Variants in KALRN observed in about 807,000 individuals in gnomAD.
The protein encoded by KALRN is kalirin RhoGEF kinase.
KALRN carries 70 observed loss-of-function variants against 353.7 expected under a neutral mutation model. That is an observed-to-expected ratio of 0.20 (90% CI 0.16 to 0.24). The LOEUF is 0.24. Among genes scored for constraint, KALRN ranks in the 10% least tolerant of loss-of-function variants. KALRN has a pLI of 1.00. For synonymous variants in KALRN, 1,391 were observed against 1,434.8 expected, an observed-to-expected ratio of 0.97 and a Z score of 0.69; for missense variants, 2,791 against 3,756.7, an observed-to-expected ratio of 0.74 and a Z score of 6.72.
At position 124,344,456 on chromosome 3, in the gene KALRN, G is replaced by A. The variant is rs1272505830; in HGVS notation, c.1648-2687G>A. 2.6e-5 allele frequency among the ~76,000 whole-genome samples: 4 copies of A among 152,234 alleles called. No homozygotes were observed. In the East Asian group the frequency reaches 5.8e-4, roughly 22 times the overall value. ...TCCAGACAGTATGTGGTCTAAACACGTGTATCATGCAATGATGGCTCTAAA... is the reference window on the plus strand; with the variant it reads ...TCCAGACAGTATGTGGTCTAAACACATGTATCATGCAATGATGGCTCTAAA... On this transcript the variant is annotated intron_variant, in intron 9 of 59. Transcript: ENST00000682506.
In KALRN at chr3:124,650,869, G is replaced by A. The variant is rs1470563056; in HGVS notation, c.5726G>A (p.Gly1909Glu). Residue 1909 changes from glycine to glutamate, a missense_variant, in exon 38 of 60, where the codon GGG (glycine) becomes GAG (glutamate). Gly to Glu is a moderately conservative substitution (Grantham distance 98). Around this residue, in one of 11 missense-constraint regions of KALRN, gnomAD observed 1,065 missense variants for 1,156.4 expected, o/e 0.92. Transcript: ENST00000682506. ...GACCCTGCAGGCTGCCTGAATGAGGGGATGGCCCCACCCACACCTCCTAAA... is the reference window on the plus strand; with the variant it reads ...GACCCTGCAGGCTGCCTGAATGAGGAGATGGCCCCACCCACACCTCCTAAA... ...LKDPAGCLNE[G>E]MAPPTPPKNP... The A allele has an allele frequency of 6.2e-6, 10 of 1,614,122 alleles. No homozygotes were observed. The Admixed American group carries it at 6.7e-5, about 11-fold the overall frequency.
chr3:124,081,017 A>G (rs1206223863), intron 1 of KALRN, among the ~76,000 whole-genome samples: 1 of 152,186 alleles, frequency 6.6e-6, no homozygotes, highest in Admixed American at 6.5e-5. Context: ...TGGTCCATGC[A>G]GTTTATCTAC....
At chr3:124,716,397 G>A (rs1357756876) in intron 58 of KALRN, among the ~76,000 whole-genome samples, 2 of 152,194 alleles carry the variant, frequency 1.3e-5, no homozygotes, top group Admixed American at 6.5e-5. Flanking sequence ...GATGGCACAC[G>A]CCTGTAATTC....
intron 21 of KALRN, 98 bp from the exon 22 acceptor site, chr3:124,455,079 A>G: frequency 7.7e-7 from 1 of 1,291,830 alleles, no homozygotes; most frequent in Non-Finnish European, 1.1e-6. Context: ...GTCAGCTATG[A>G]GGTATCTATG....
At chr3:124,053,725 T>G (rs1232198022) in intron 1 of KALRN, among the ~76,000 whole-genome samples, 1 of 152,258 alleles carries the variant, frequency 6.6e-6, no homozygotes, top group Non-Finnish European at 1.5e-5. Context: ...ATGTGCTGTG[T>G]GCATGCACAT....
intron 1 of KALRN, among the ~76,000 whole-genome samples, chr3:124,151,640 G>C (rs1168629262): frequency 1.3e-5 from 2 of 148,800 alleles, no homozygotes; most frequent in East Asian, 2.0e-4. Flanking sequence ...CTTCCAGTCT[G>C]TGTCTTGTCT....
intron 9 of KALRN, among the ~76,000 whole-genome samples, chr3:124,336,704 T>C (rs561793186): frequency 6.6e-6 from 1 of 152,322 alleles, no homozygotes; most frequent in East Asian, 1.9e-4. Context: ...GCATCATGCT[T>C]TCAAAAATGA....
At chr3:124,444,687 A>G (rs1465249715) in intron 19 of KALRN, among the ~76,000 whole-genome samples, 1 of 151,554 alleles carries the variant, frequency 6.6e-6, no homozygotes. Flanking sequence ...GTGTGCCTAT[A>G]GTCTCAGCTA....
At chr3:124,639,502 A>G (rs1012386329) in intron 37 of KALRN, among the ~76,000 whole-genome samples, 1 of 152,150 alleles carries the variant, frequency 6.6e-6, no homozygotes, top group African/African-American at 2.4e-5. Context: ...TTGTTTCCAG[A>G]GTCTATTTTT....
At chr3:124,654,928 G>A (rs2083838016) in intron 38 of KALRN, among the ~76,000 whole-genome samples, 1 of 152,198 alleles carries the variant, frequency 6.6e-6, no homozygotes, top group Non-Finnish European at 1.5e-5. Context: ...AACCAAGAGA[G>A]CAAATGTCCT....
At chr3:124,258,415 T>C (rs984743800) in intron 3 of KALRN, among the ~76,000 whole-genome samples, 1 of 152,158 alleles carries the variant, frequency 6.6e-6, no homozygotes, top group Non-Finnish European at 1.5e-5. Flanking sequence ...CTCCTTGCAA[T>C]CCTCTCCTCC....
intron 33 of KALRN, among the ~76,000 whole-genome samples, chr3:124,536,679 T>A (rs2068549061): frequency 6.6e-6 from 1 of 152,252 alleles, no homozygotes; most frequent in African/African-American, 2.4e-5. Context: ...TCCTAACTTA[T>A]TCCATATATC....
intron 33 of KALRN, among the ~76,000 whole-genome samples, chr3:124,520,323 T>C (rs1398400885): frequency 2.0e-5 from 3 of 152,212 alleles, no homozygotes; most frequent in Non-Finnish European, 2.9e-5. Context: ...AAATTAAACC[T>C]TTTGATATCA....
Position 124,633,725 on chromosome 3 carries a change from G to A in KALRN, c.5467-127G>A, listed in dbSNP as rs200802573. On this transcript the variant is annotated intron_variant, in intron 35 of 59. Coordinates refer to ENST00000682506, the MANE Select transcript of KALRN (RefSeq NM_001388419.1). ...TCCATGTATCAAAAGAGGAAATTGC[G>A]ACTGAACAGTTAAGAGTGAGTTGAG... The A allele has an allele frequency of 2.8e-5, 20 of 715,542 alleles. 1 individual carries two copies. Among genetic ancestry groups the A allele is most frequent in the East Asian group, 2.8e-4 (10 of 36,164 alleles). The allele number at this position is 715,542 out of a possible 1,614,324, so 44.3% of individuals were successfully genotyped here. A position where few individuals can be genotyped will look rare whatever the true frequency, so the allele number is the denominator to read the frequency against.
In KALRN at chr3:124,120,685, C is replaced by T. The variant is rs12630556; in HGVS notation, c.73+86872C>T. Among the ~76,000 whole-genome samples the T allele has an allele frequency of 0.032, 4,506 of 142,080 alleles. 454 individuals are homozygous for T. The East Asian group carries it at 0.35, about 11-fold the overall frequency. The allele number at this position is 142,080 out of a possible 152,430, so 93.2% of individuals were successfully genotyped here. A position where few individuals can be genotyped will look rare whatever the true frequency, so the allele number is the denominator to read the frequency against. On this transcript the variant is annotated intron_variant, in intron 1 of 59. Transcript: ENST00000682506. ...AGAAGAATCCCTACTTTTCAAGAAA[C>T]TTACAATCCAGATAGGAATACTAAA... is the stretch of plus-strand genomic sequence containing the variant.
chr3:124,281,505 C>G (rs1314103911), intron 5 of KALRN, among the ~76,000 whole-genome samples: 1 of 152,180 alleles, frequency 6.6e-6, no homozygotes, highest in Non-Finnish European at 1.5e-5. Context: ...TTGCACATTC[C>G]CACCTTTTCA....
chr3:124,142,756 C>A lies in KALRN; in HGVS notation c.74-85234C>A, dbSNP rs568075339. ...AGCCTCCCCTCTTTCCATCTCCACC[C>A]CCCACCCACTCCCTGCACCATGCCG... is the stretch of plus-strand genomic sequence containing the variant. On this transcript the variant is annotated intron_variant, in intron 1 of 59. Coordinates refer to ENST00000682506, the MANE Select transcript of KALRN (RefSeq NM_001388419.1). Among the ~76,000 whole-genome samples the A allele has an allele frequency of 2.0e-4, 31 of 152,236 alleles. 1 individual carries two copies. Among genetic ancestry groups the A allele is most frequent in the Admixed American group, 2.0e-3 (30 of 15,290 alleles).
intron 1 of KALRN, among the ~76,000 whole-genome samples, chr3:124,151,178 C>A (rs904902766): frequency 6.6e-6 from 1 of 151,994 alleles, no homozygotes; most frequent in Non-Finnish European, 1.5e-5. Flanking sequence ...ATATATACAC[C>A]CAGTTTTGTG....
intron 27 of KALRN, among the ~76,000 whole-genome samples, chr3:124,478,191 T>C (rs892989025): frequency 4.6e-5 from 7 of 152,218 alleles, no homozygotes; most frequent in Admixed American, 1.3e-4. Context: ...AGGCAGACTA[T>C]AGCAGTGATG....
Sources: allele counts gnomAD v4.1 joint callset (sites outside exome capture counted in the v4.1 genomes callset), GRCh38; gene constraint gnomAD v4.1.1; regional missense constraint gnomAD v4.1.1; transcripts MANE v1.5; gene names NCBI Gene and HGNC (gene_info 2026-07-23, HGNC 2026-07-21).